ARMC3: variants seen among roughly 807,000 people sequenced by gnomAD.
ARMC3 encodes armadillo repeat-containing protein 3.
A neutral mutation model predicts 90.3 loss-of-function variants in ARMC3; 74 were observed. That is an observed-to-expected ratio of 0.82 (90% CI 0.68 to 0.99). ARMC3 has a LOEUF of 0.99. Among genes scored for constraint, ARMC3 ranks in the 50% least tolerant of loss-of-function variants. The pLI is 0.00. For synonymous variants in ARMC3, 334 were observed against 361.8 expected (o/e 0.92, Z 0.87); for missense variants, 958 against 1,042.8 (o/e 0.92, Z 1.12).
intron 10 of ARMC3, among the ~76,000 whole-genome samples, chr10:22,992,619 G>A (rs1836760725): frequency 6.6e-6 from 1 of 152,050 alleles, no homozygotes; most frequent in African/African-American, 2.4e-5. Flanking sequence ...GGCTAGTTTT[G>A]TCAACCTGGA....
intron 16 of ARMC3, among the ~76,000 whole-genome samples, chr10:23,018,512 TAA>T (rs1300598502): frequency 2.2e-5 from 2 of 91,968 alleles, no homozygotes; most frequent in African/African-American, 8.1e-5. Flanking sequence ...TGCACCTTAG[TAA>T]TTTTTTTTTT....
intron 16 of ARMC3, among the ~76,000 whole-genome samples, chr10:23,015,134 T>G (rs1838218057): frequency 1.3e-5 from 2 of 152,030 alleles, no homozygotes; most frequent in Non-Finnish European, 2.9e-5. Context: ...ACATGTGAAG[T>G]GTTCTAATAT....
intron 8 of ARMC3, among the ~76,000 whole-genome samples, chr10:22,977,893 C>G (rs1348300592): frequency 6.6e-6 from 1 of 152,208 alleles, no homozygotes; most frequent in Non-Finnish European, 1.5e-5. Context: ...GAAAATCTCT[C>G]CATTCCAGAA....
rs1835918185 is a variant in ARMC3 at position 22,976,270 on chromosome 10, C to G, written c.917-5070C>G. ...TTTCTTATCAACCTCTTTGACAGAT[C>G]AGTCCATTTTAAATAGCCACATCTC... On this transcript the variant is annotated intron_variant, in intron 8 of 18. Transcript: ENST00000298032. Among the ~76,000 whole-genome samples the G allele has an allele frequency of 2.0e-5, 3 of 152,276 alleles. No homozygotes were observed. The South Asian group carries it at 6.2e-4, about 32-fold the overall frequency.
intron 13 of ARMC3, 122 bp from the exon 14 acceptor site, chr10:23,006,760 ATG>A (rs539720018): frequency 7.0e-4 from 529 of 761,096 alleles, no homozygotes; most frequent in Admixed American, 1.5e-3. Flanking sequence ...TATATTGTAC[ATG>A]TGTGTGTTTG....
At chr10:22,954,922 A>G (rs993660068) in intron 3 of ARMC3, among the ~76,000 whole-genome samples, 12 of 152,120 alleles carry the variant, frequency 7.9e-5, no homozygotes, top group African/African-American at 2.9e-4. Context: ...GAGAATAAGG[A>G]GAGCCAGGGG....
intron 10 of ARMC3, among the ~76,000 whole-genome samples, chr10:22,989,042 A>G (rs1267534572): frequency 6.6e-6 from 1 of 152,182 alleles, no homozygotes; most frequent in Non-Finnish European, 1.5e-5. Context: ...AATGCAAGGA[A>G]CTGCGTCTTC....
chr10:23,002,964 T>A (rs776018830), intron 12 of ARMC3, among the ~76,000 whole-genome samples: 8 of 152,234 alleles, frequency 5.3e-5, no homozygotes, highest in Non-Finnish European at 1.2e-4. Flanking sequence ...ATGAAAAAGT[T>A]GAGGTCCAAT....
chr10:22,951,219 G>C (rs763542595), intron 3 of ARMC3, among the ~76,000 whole-genome samples: 1 of 152,204 alleles, frequency 6.6e-6, no homozygotes, highest in Non-Finnish European at 1.5e-5. Context: ...TTACAGGCAT[G>C]AGCCAGTGCG....
intron 10 of ARMC3, among the ~76,000 whole-genome samples, chr10:22,995,258 TTTG>T (rs1235466093): frequency 3.9e-5 from 6 of 152,206 alleles, no homozygotes; most frequent in African/African-American, 1.4e-4. Context: ...AAAAAAGAAT[TTTG>T]TTCAATTCTT....
intron 7 of ARMC3, among the ~76,000 whole-genome samples, chr10:22,966,745 C>T (rs1835455923): frequency 6.6e-6 from 1 of 152,170 alleles, no homozygotes; most frequent in Non-Finnish European, 1.5e-5. Flanking sequence ...GAAACAGGTT[C>T]ATCTTACATG....
chr10:22,980,520 AATT>A (rs1481044530), intron 8 of ARMC3, among the ~76,000 whole-genome samples: 1 of 151,348 alleles, frequency 6.6e-6, no homozygotes, highest in Non-Finnish European at 1.5e-5. Context: ...TAAAAAATAG[AATT>A]AATAGAACAC....
intron 7 of ARMC3, among the ~76,000 whole-genome samples, chr10:22,963,557 G>A (rs566150488): frequency 1.3e-5 from 2 of 152,022 alleles, no homozygotes; most frequent in East Asian, 1.9e-4. Context: ...AGTTGGAACC[G>A]GGGCAATAAG....
Position 22,930,371 on chromosome 10 carries a change from A to T in ARMC3, c.-1-1625A>T, listed in dbSNP as rs1303291386. On this transcript the variant is annotated intron_variant, in intron 1 of 18. Transcript: ENST00000298032. ...TAATATAAATTTTTATTACATTTGA[A>T]AACAATTTTCTCATTTTACAAGAAT... is the stretch of plus-strand genomic sequence containing the variant. Among the ~76,000 whole-genome samples, 3 of 152,200 alleles carry T rather than the reference A, an allele frequency of 2.0e-5. No homozygotes were observed. The East Asian group carries it at 5.8e-4, about 29-fold the overall frequency.
chr10:23,019,875 A>G (rs1360320329), intron 16 of ARMC3, among the ~76,000 whole-genome samples: 1 of 152,188 alleles, frequency 6.6e-6, no homozygotes, highest in Non-Finnish European at 1.5e-5. Flanking sequence ...AGAATGCCAC[A>G]TGAATAGGAT....
At chr10:22,977,228 G>A (rs1415003258) in intron 8 of ARMC3, among the ~76,000 whole-genome samples, 1 of 152,092 alleles carries the variant, frequency 6.6e-6, no homozygotes, top group African/African-American at 2.4e-5. Flanking sequence ...AAAATAACTG[G>A]TTTCTCTTTC....
chr10:23,023,200 C>T (rs1588935050), intron 16 of ARMC3, among the ~76,000 whole-genome samples: 1 of 152,252 alleles, frequency 6.6e-6, no homozygotes, highest in Admixed American at 6.5e-5. Flanking sequence ...GGGGAAACCC[C>T]TCGTATTCCT....
intron 8 of ARMC3, among the ~76,000 whole-genome samples, chr10:22,970,841 G>A (rs190752336): frequency 3.3e-5 from 5 of 152,188 alleles, no homozygotes; most frequent in Admixed American, 6.5e-5. Flanking sequence ...GAAGGGGAGC[G>A]GTTTTGCTTG....
intron 16 of ARMC3, among the ~76,000 whole-genome samples, chr10:23,010,402 T>C: frequency 1.4e-5 from 1 of 73,350 alleles, no homozygotes; most frequent in Non-Finnish European, 2.7e-5. Context: ...TTCCCTTCCC[T>C]CTCCTCCCCT....
Sources: gnomAD v4.1 joint callset for allele counts (sites outside exome capture counted in the v4.1 genomes callset) on GRCh38, gnomAD v4.1.1 for gene constraint, MANE v1.5 for transcripts, NCBI Gene and HGNC (gene_info 2026-07-23, HGNC 2026-07-21) for gene names.